The following SBNO2 variants were observed in gnomAD, a reference collection of about 807,000 sequenced individuals.
SBNO2 encodes strawberry notch homolog 2.
Under a neutral mutation model 146.3 loss-of-function variants are expected in SBNO2, and 89 were observed. The ratio of observed to expected loss-of-function variants is 0.61; its 90% CI spans 0.51 to 0.73. The LOEUF (loss-of-function observed/expected upper bound fraction) is 0.73, where lower values mean the gene tolerates loss of function less well. Among genes scored for constraint, SBNO2 ranks in the 30% least tolerant of loss-of-function variants. SBNO2 has a pLI of 0.00. For missense variants in SBNO2, 2,092 were observed against 2,003.7 expected (o/e 1.04, Z -0.84); for synonymous variants, 1,147 against 892.6 (o/e 1.29, Z -5.08).
At chr19:1,119,312 G>T in intron 13 of SBNO2, 148 bp from the exon 14 acceptor site, 1 of 1,080,286 alleles carries the variant, frequency 9.3e-7, no homozygotes, top group Non-Finnish European at 1.3e-6. Context: ...GCTGAGCCTG[G>T]CGGGGACGGG....
At position 1,112,579 on chromosome 19, in the gene SBNO2, C is replaced by T; in HGVS notation, c.2380-42G>A. 1.3e-6 allele frequency: 2 copies of T among 1,550,628 alleles called. No individual in the cohort carries two copies. Among genetic ancestry groups the T allele is most frequent in the African/African-American group, 1.4e-5 (1 of 73,764 alleles). Reference sequence around the variant, plus strand: ...GGCCGGGACACGGTTGGTGCAAGGCCCGCCCCAGCGTTGCCGCCACCTCCT... The same window carrying T: ...GGCCGGGACACGGTTGGTGCAAGGCTCGCCCCAGCGTTGCCGCCACCTCCT... On this transcript the variant is annotated intron_variant, in intron 20 of 31. Coordinates refer to ENST00000361757, the MANE Select transcript of SBNO2 (RefSeq NM_014963.3). The surrounding 1 kb of genome is among the most constrained non-coding windows in gnomAD (Gnocchi z 5.9).
chr19:1,131,793 G>A (rs1170462007), intron 4 of SBNO2, among the ~76,000 whole-genome samples: 4 of 152,222 alleles, frequency 2.6e-5, no homozygotes, highest in Non-Finnish European at 5.9e-5. Context: ...GAGGGCCCCC[G>A]TCCGGGCAGG....
At position 1,114,462 on chromosome 19, in the gene SBNO2, C is replaced by G. The variant is rs902822852; in HGVS notation, c.1886-40G>C. 1.4e-5 allele frequency: 20 copies of G among 1,463,908 alleles called. No homozygotes were observed. In the African/African-American group the frequency reaches 2.8e-4, roughly 21 times the overall value. 90.7% of individuals were successfully genotyped at this position (1,463,908 alleles called of 1,614,324 possible). ...AGGGTCACCGAGGGCCAGACCGCAGCAAGGTGGAGGAGCAGGTGGAGGAGA... is the reference window on the plus strand; with the variant it reads ...AGGGTCACCGAGGGCCAGACCGCAGGAAGGTGGAGGAGCAGGTGGAGGAGA... On this transcript the variant is annotated intron_variant, in intron 17 of 31. Coordinates refer to ENST00000361757, the MANE Select transcript of SBNO2 (RefSeq NM_014963.3).
Position 1,112,200 on chromosome 19 carries a change from G to A in SBNO2, c.2617C>T (p.Leu873=). ...CCCCACCTGCTCACCAGACTCTCCA[G>A]GCGCTTGGCCACGATGGAGGCGAAC... ...RRFASIVAKR[L]ESLGALTHGD... is the part of the protein sequence containing the mutation. Residue 873 remains leucine, a synonymous_variant, in exon 22 of 32, where the codon CTG becomes TTG. Transcript: ENST00000361757. The surrounding 1 kb of genome is among the most constrained non-coding windows in gnomAD (Gnocchi z 5.9). 1 of 1,588,506 alleles carries A rather than the reference G, an allele frequency of 6.3e-7. No homozygotes were observed.
chr19:1,114,209 G>A, intron 18 of SBNO2, 22 bp downstream of exon 18: 2 of 1,425,410 alleles, frequency 1.4e-6, no homozygotes, highest in East Asian at 2.8e-5. Flanking sequence ...CAGGTGGCTG[G>A]CCAGCCTGGG....
chr19:1,132,405 A>C (rs2080041382), intron 4 of SBNO2: 3 of 616,392 alleles, frequency 4.9e-6, no homozygotes, highest in Non-Finnish European at 4.1e-6. Flanking sequence ...CGGATCTCCC[A>C]CAGGCGCTGT....
At position 1,109,788 on chromosome 19, in the gene SBNO2, G is replaced by A. The variant is rs754283724; in HGVS notation, c.3029-11C>T. 1.2e-5 allele frequency: 18 copies of A among 1,564,262 alleles called. No individual in the cohort carries two copies. Among genetic ancestry groups the A allele is most frequent in the South Asian group, 8.3e-5 (7 of 84,434 alleles). On this transcript the variant is annotated splice_polypyrimidine_tract_variant and intron_variant, in intron 26 of 31. Transcript: ENST00000361757. This position sits in a 1 kb window ranked among gnomAD's most constrained non-coding sequence, Gnocchi z 4.2. ...TACCGGGAGCAAGGTCTAGGGGGGC[G>A]GGTGGAGGGTAAGTGGTGTCCAGGC...
rs141109471 is a variant in SBNO2 at position 1,160,823 on chromosome 19, C to G, written c.-126-6421G>C. On this transcript the variant is annotated intron_variant, in intron 1 of 31. Transcript: ENST00000361757. ...GGAATTACAGGCGTGAGCCACCAGG[C>G]CCGGCCCGAATGGAAATCATTTTCA... is the stretch of plus-strand genomic sequence containing the variant. Among the ~76,000 whole-genome samples, 153 of 152,232 alleles carry G rather than the reference C, an allele frequency of 1.0e-3. No homozygotes were observed. The East Asian group carries it at 0.018, about 18-fold the overall frequency.
intron 4 of SBNO2, among the ~76,000 whole-genome samples, chr19:1,137,252 G>A (rs1459309587): frequency 1.9e-5 from 1 of 51,336 alleles, no homozygotes; most frequent in Non-Finnish European, 3.6e-5. Flanking sequence ...TACAGTGGGG[G>A]GAGGCTCAGG....
rs530714791 is a variant in SBNO2 at position 1,123,861 on chromosome 19, A to G, written c.522+81T>C. 82 of 1,412,190 alleles carry G rather than the reference A, an allele frequency of 5.8e-5. 1 individual carries two copies. The Middle Eastern group carries it at 1.2e-3, about 21-fold the overall frequency. 87.5% of individuals were successfully genotyped at this position (1,412,190 alleles called of 1,614,324 possible). On this transcript the variant is annotated intron_variant, in intron 6 of 31. Transcript: ENST00000361757. ...TCTAGGCCAGCCAAGCGCTCCCCAC[A>G]ATGGAGATGCCTGTGCTGAGCCCTC...
At chr19:1,165,088 G>T (rs1020125290) in intron 1 of SBNO2, among the ~76,000 whole-genome samples, 2 of 152,084 alleles carry the variant, frequency 1.3e-5, no homozygotes, top group African/African-American at 2.4e-5. Flanking sequence ...CCGAGCCAGG[G>T]TCACACGCCC....
At chr19:1,116,444 C>T (rs2079833052) in intron 16 of SBNO2, among the ~76,000 whole-genome samples, 1 of 150,882 alleles carries the variant, frequency 6.6e-6, no homozygotes, top group Non-Finnish European at 1.5e-5. Context: ...ATGGGGGGAT[C>T]TAGGGGGGCT....
At chr19:1,155,723 CCCCCGA>C (rs970299049) in intron 1 of SBNO2, among the ~76,000 whole-genome samples, 23 of 152,298 alleles carry the variant, frequency 1.5e-4, no homozygotes, top group African/African-American at 5.5e-4. Flanking sequence ...AGCCTGGGAC[CCCCCGA>C]CCCCGGCCCC....
At position 1,162,770 on chromosome 19, in the gene SBNO2, C is replaced by T. The variant is rs550991344; in HGVS notation, c.-126-8368G>A. Among the ~76,000 whole-genome samples the T allele has an allele frequency of 1.8e-4, 27 of 152,328 alleles. 1 individual carries two copies. The East Asian group carries it at 4.0e-3, about 23-fold the overall frequency. On this transcript the variant is annotated intron_variant, in intron 1 of 31. Transcript: ENST00000361757. ...AGAGAAACGGAGACCAGGAACCTGA[C>T]GCTGGTTTCCCTAGCCCATGTGAGG...
At chr19:1,124,301 G>T (rs2079940192) in intron 5 of SBNO2, among the ~76,000 whole-genome samples, 1 of 152,214 alleles carries the variant, frequency 6.6e-6, no homozygotes, top group Non-Finnish European at 1.5e-5. Flanking sequence ...TGCCTGGAGT[G>T]CCCGGGAGGA....
Position 1,140,073 on chromosome 19 carries a change from G to C in SBNO2, c.279+7236C>G, listed in dbSNP as rs2080120916. 6.6e-6 allele frequency among the ~76,000 whole-genome samples: 1 copy of C among 152,148 alleles called. No homozygotes were observed. The highest frequency in any genetic ancestry group is 2.4e-5 in the African/African-American group (1 of 41,436). On this transcript the variant is annotated intron_variant, in intron 4 of 31. Transcript: ENST00000361757. The surrounding 1 kb of genome is among the most constrained non-coding windows in gnomAD (Gnocchi z 4.4). Reference sequence around the variant, plus strand: ...CCAATGCTTTGGGAGGCTGAGGTGGGTGGATCACAAGGTCAGGAGATTGAG... The same window carrying C: ...CCAATGCTTTGGGAGGCTGAGGTGGCTGGATCACAAGGTCAGGAGATTGAG...
intron 1 of SBNO2, among the ~76,000 whole-genome samples, chr19:1,170,864 CA>C (rs1555730168): frequency 6.6e-6 from 1 of 151,712 alleles, no homozygotes; most frequent in African/African-American, 2.4e-5. Flanking sequence ...ACCCACAACA[CA>C]AACACACACA....
Position 1,117,531 on chromosome 19 carries a change from C to A in SBNO2, c.1528-32G>T, listed in dbSNP as rs1335872057. 7.2e-6 allele frequency: 11 copies of A among 1,533,742 alleles called. No homozygotes were observed. In the African/African-American group the frequency reaches 8.3e-5, roughly 12 times the overall value. On this transcript the variant is annotated intron_variant, in intron 14 of 31. Coordinates refer to ENST00000361757, the MANE Select transcript of SBNO2 (RefSeq NM_014963.3). ...TGACACGTCACAAGGCGCCCCTGAG[C>A]TGTGGCTCCTGGCTCCCGACCCGGG...
In SBNO2 at chr19:1,108,367, G is replaced by A. The variant is rs1279154043; in HGVS notation, c.3954C>T (p.Asp1318=). The change falls in exon 32 of 32, where the codon GAC becomes GAT. Residue 1318 remains aspartate, a synonymous_variant. Coordinates refer to ENST00000361757, the MANE Select transcript of SBNO2 (RefSeq NM_014963.3). The stretch of plus-strand genomic sequence containing the variant: ...GCCCCGCGTGCAGCGAGCGCAGCAT[G>A]TCCTCCAGCACCTCCTTGAAGTTGA... ...CDINFKEVLE[D]MLRSLHAGPP... is the part of the protein sequence containing the mutation. 8.5e-6 allele frequency: 11 copies of A among 1,295,006 alleles called. No individual in the cohort carries two copies. Among genetic ancestry groups the A allele is most frequent in the Non-Finnish European group, 9.8e-6 (10 of 1,016,044 alleles). The allele number at this position is 1,295,006 out of a possible 1,614,324, so 80.2% of individuals were successfully genotyped here.
Sources: allele counts gnomAD v4.1 joint callset (sites outside exome capture counted in the v4.1 genomes callset), GRCh38; gene constraint gnomAD v4.1.1; non-coding constraint Gnocchi (gnomAD v3.1); transcripts MANE v1.5; gene names NCBI Gene and HGNC (gene_info 2026-07-23, HGNC 2026-07-21).